The following FSTL5 variants were observed in gnomAD, a reference collection of about 807,000 sequenced individuals.
FSTL5 encodes the protein follistatin like 5, also known as follistatin-related protein 5.
Under a neutral mutation model 89.1 loss-of-function variants are expected in FSTL5, and 62 were observed. The observed-to-expected ratio is 0.70, with a 90% confidence interval of 0.57 to 0.86. The LOEUF (loss-of-function observed/expected upper bound fraction) is 0.86. Ranked by LOEUF, FSTL5 falls within the 40% of genes least tolerant of loss-of-function variation. FSTL5 has a pLI of 0.00. For missense variants in FSTL5, 1,057 were observed against 1,001.6 expected (o/e 1.06, Z -0.75); for synonymous variants, 383 against 346.2 (o/e 1.11, Z -1.18).
At chr4:161,392,950 G>A (rs1282515852) in intron 15 of FSTL5, among the ~76,000 whole-genome samples, 1 of 152,090 alleles carries the variant, frequency 6.6e-6, no homozygotes. Context: ...GATCACTTGA[G>A]GCCAGGCATT....
chr4:161,714,228 T>A (rs1221919362), intron 6 of FSTL5, among the ~76,000 whole-genome samples: 2 of 152,046 alleles, frequency 1.3e-5, no homozygotes, highest in African/African-American at 4.8e-5. Context: ...TGTAGAATGA[T>A]CTGAGGTCAC....
intron 15 of FSTL5, among the ~76,000 whole-genome samples, chr4:161,432,297 A>G (rs1252469873): frequency 6.6e-6 from 1 of 152,146 alleles, no homozygotes; most frequent in Non-Finnish European, 1.5e-5. Context: ...ATCAGTAACA[A>G]GAGGAATTTT....
intron 4 of FSTL5, among the ~76,000 whole-genome samples, chr4:161,821,886 T>C (rs1458696043): frequency 3.3e-5 from 5 of 152,206 alleles, no homozygotes; most frequent in African/African-American, 7.2e-5. Context: ...TGTGCTGCTA[T>C]AAACATGTGA....
intron 7 of FSTL5, among the ~76,000 whole-genome samples, chr4:161,640,825 G>A (rs10010545): frequency 0.021 from 2,979 of 139,418 alleles, 90 homozygotes; most frequent in African/African-American, 0.093. Context: ...CTCCAAGTAA[G>A]ATGAACTCAA....
At chr4:162,055,554 G>A (rs1456506632) in intron 2 of FSTL5, among the ~76,000 whole-genome samples, 3 of 151,580 alleles carry the variant, frequency 2.0e-5, no homozygotes, top group African/African-American at 7.3e-5. Context: ...TAGATAGATA[G>A]ATAGATAGAC....
At chr4:161,580,526 G>A (rs1047732601) in intron 8 of FSTL5, among the ~76,000 whole-genome samples, 1 of 152,156 alleles carries the variant, frequency 6.6e-6, no homozygotes, top group Non-Finnish European at 1.5e-5. Flanking sequence ...GTTCAAAGAA[G>A]AAGGGGGATG....
At chr4:161,921,585 CA>C (rs1733998073) in intron 3 of FSTL5, among the ~76,000 whole-genome samples, 1 of 151,806 alleles carries the variant, frequency 6.6e-6, no homozygotes, top group African/African-American at 2.4e-5. Context: ...TTATGTATTG[CA>C]AAAAAGAAAT....
chr4:161,940,176 G>T (rs78743392), intron 3 of FSTL5, among the ~76,000 whole-genome samples: 1,616 of 151,798 alleles, frequency 0.011, 25 homozygotes, highest in African/African-American at 0.037. Flanking sequence ...TTTAAAAGCA[G>T]ATTTTAGCAA....
intron 3 of FSTL5, among the ~76,000 whole-genome samples, chr4:161,997,038 G>A (rs1217955326): frequency 6.6e-6 from 1 of 152,068 alleles, no homozygotes; most frequent in Non-Finnish European, 1.5e-5. Flanking sequence ...GATCTTCCAT[G>A]GGATGAGTCA....
intron 3 of FSTL5, among the ~76,000 whole-genome samples, chr4:161,976,594 G>A (rs550985944): frequency 5.3e-5 from 8 of 152,136 alleles, no homozygotes; most frequent in South Asian, 2.1e-4. Flanking sequence ...CCATTCTCCC[G>A]CCTCAGCCTC....
chr4:161,468,451 G>C (rs1733822654), intron 13 of FSTL5, among the ~76,000 whole-genome samples: 1 of 152,112 alleles, frequency 6.6e-6, no homozygotes, highest in Non-Finnish European at 1.5e-5. Flanking sequence ...CTGAATTATA[G>C]CAGCAGGTCT....
At position 161,429,965 on chromosome 4, in the gene FSTL5, T is replaced by C. The variant is rs1459164509; in HGVS notation, c.1841+25039A>G. ...AGACACATCATTCAAAAGAGCTGTTTTGAGGAAACTGAGTGAAACTCAGGA... is the reference window on the plus strand; with the variant it reads ...AGACACATCATTCAAAAGAGCTGTTCTGAGGAAACTGAGTGAAACTCAGGA... On this transcript the variant is annotated intron_variant, in intron 15 of 15. Transcript: ENST00000306100. 3.3e-5 allele frequency among the ~76,000 whole-genome samples: 5 copies of C among 152,100 alleles called. No individual in the cohort carries two copies. The East Asian group carries it at 9.6e-4, about 29-fold the overall frequency.
At chr4:161,851,749 ATTTT>A (rs34215301) in intron 4 of FSTL5, among the ~76,000 whole-genome samples, 1 of 150,734 alleles carries the variant, frequency 6.6e-6, no homozygotes, top group Non-Finnish European at 1.5e-5. Flanking sequence ...TATTTAGAGA[ATTTT>A]TTTTTTTTGA....
At chr4:162,107,660 G>A (rs1731276395) in intron 2 of FSTL5, among the ~76,000 whole-genome samples, 1 of 152,068 alleles carries the variant, frequency 6.6e-6, no homozygotes, top group Admixed American at 6.6e-5. Flanking sequence ...ATGGACATGG[G>A]GATTCTATGG....
chr4:161,507,328 C>A (rs986106367), intron 11 of FSTL5, among the ~76,000 whole-genome samples: 3 of 151,558 alleles, frequency 2.0e-5, no homozygotes, highest in Non-Finnish European at 4.4e-5. Context: ...TTATACGTAT[C>A]ATAAATATAC....
chr4:161,454,518 T>C (rs925706961), intron 15 of FSTL5, among the ~76,000 whole-genome samples: 5 of 152,168 alleles, frequency 3.3e-5, no homozygotes, highest in African/African-American at 9.6e-5. Context: ...TATTTCCTAA[T>C]ACAATTTTAT....
chr4:161,685,801 A>G (rs1190953332), intron 6 of FSTL5, among the ~76,000 whole-genome samples: 1 of 152,106 alleles, frequency 6.6e-6, no homozygotes, highest in Non-Finnish European at 1.5e-5. Flanking sequence ...ACTATATTGA[A>G]GAGGAGTGGT....
In FSTL5 at chr4:162,163,860, CG is replaced by C. The variant is rs1733793562; in HGVS notation, c.-263del. On this transcript the variant is annotated 5_prime_UTR_variant, in exon 1 of 16. Coordinates refer to ENST00000306100, the MANE Select transcript of FSTL5 (RefSeq NM_020116.5). ...GTTGATATGGGTCCTGTTGGTGAAG[CG>C]GGTCCCACAGGGCACAGAGGGTGCA... 6.6e-6 allele frequency: 1 copy of C among 152,224 alleles called. No homozygotes were observed. Among genetic ancestry groups the C allele is most frequent in the African/African-American group, 2.4e-5 (1 of 41,450 alleles). 9.4% of individuals were successfully genotyped at this position (152,224 alleles called of 1,614,324 possible).
At chr4:161,626,426 A>G (rs941597582) in intron 7 of FSTL5, among the ~76,000 whole-genome samples, 2 of 152,178 alleles carry the variant, frequency 1.3e-5, no homozygotes, top group Non-Finnish European at 2.9e-5. Context: ...ACATCTGTTT[A>G]AAGCATGGCT....
Sources: gnomAD v4.1 joint callset for allele counts (sites outside exome capture counted in the v4.1 genomes callset) on GRCh38, gnomAD v4.1.1 for gene constraint, MANE v1.5 for transcripts, NCBI Gene and HGNC (gene_info 2026-07-23, HGNC 2026-07-21) for gene names.